The following GRIP2 variants were observed in gnomAD, a reference collection of about 807,000 sequenced individuals.
The protein encoded by GRIP2 is glutamate receptor interacting protein 2, also known as glutamate receptor-interacting protein 2.
Under a neutral mutation model 108.3 loss-of-function variants are expected in GRIP2, and 58 were observed. The ratio of observed to expected loss-of-function variants is 0.54; its 90% CI spans 0.43 to 0.67. GRIP2 has a LOEUF of 0.67. Ranked by LOEUF, GRIP2 falls within the 30% of genes least tolerant of loss-of-function variation. The pLI is 0.00. For missense variants in GRIP2, 1,278 were observed against 1,430.6 expected (o/e 0.89, Z 1.72); for synonymous variants, 586 against 598.2 (o/e 0.98, Z 0.30).
At chr3:14,580,819 C>T in the GRIP2 span, among the ~76,000 whole-genome samples, 1 of 152,290 alleles carries the variant, frequency 6.6e-6, no homozygotes, top group East Asian at 2.0e-4. Context: ...GATGTGATTA[C>T]ATTTAAATCA....
the GRIP2 span, among the ~76,000 whole-genome samples, chr3:14,571,933 G>A: frequency 6.6e-6 from 1 of 152,222 alleles, no homozygotes; most frequent in East Asian, 1.9e-4. Context: ...TGGAGCAACT[G>A]GAACTCTCAG....
the GRIP2 span, among the ~76,000 whole-genome samples, chr3:14,587,438 C>T: frequency 5.3e-5 from 8 of 151,924 alleles, no homozygotes; most frequent in African/African-American, 7.3e-5. Flanking sequence ...CGAGACCAGC[C>T]GGGCCAACAT....
chr3:14,591,379 T>A, the GRIP2 span, among the ~76,000 whole-genome samples: 2 of 152,120 alleles, frequency 1.3e-5, no homozygotes, highest in Non-Finnish European at 2.9e-5. Context: ...AGAAAGACAT[T>A]CCTGGGGTGA....
chr3:14,574,587 T>C, the GRIP2 span: 1 of 720,868 alleles, frequency 1.4e-6, no homozygotes, highest in Non-Finnish European at 2.6e-6. Flanking sequence ...TTCGTCCGGG[T>C]ATGTGGACAG....
At chr3:14,566,350 G>A in the GRIP2 span, among the ~76,000 whole-genome samples, 20 of 152,202 alleles carry the variant, frequency 1.3e-4, no homozygotes, top group Non-Finnish European at 2.6e-4. Flanking sequence ...AGGACTGGGC[G>A]ACAGCCCACA....
At chr3:14,493,853 G>A (rs2124823283) in intron 23 of GRIP2, 27 bp from the exon 24 acceptor site, 1 of 1,595,118 alleles carries the variant, frequency 6.3e-7, no homozygotes, top group African/African-American at 1.3e-5. Flanking sequence ...CAAGGGAACA[G>A]AACCGAGATG....
In GRIP2 at chr3:14,493,539, C is replaced by G. The variant is rs73031847; in HGVS notation, c.*126G>C. On this transcript the variant is annotated 3_prime_UTR_variant, in exon 24 of 24. Transcript: ENST00000621039. ...CTGGGGAACAGAGACCAAGCATCAT[C>G]CCAGGCTCAGAGTCTGCCAGACCAA... 62,428 of 1,153,656 alleles carry G rather than the reference C, an allele frequency of 0.054. 2,045 individuals are homozygous for G. Among genetic ancestry groups the G allele is most frequent in the Middle Eastern group, 0.067 (227 of 3,380 alleles). The allele number at this position is 1,153,656 out of a possible 1,614,324, so 71.5% of individuals were successfully genotyped here. A position where few individuals can be genotyped will look rare whatever the true frequency, so the allele number is the denominator to read the frequency against.
At chr3:14,535,785 TG>T (rs1434125434) in intron 1 of GRIP2, among the ~76,000 whole-genome samples, 1 of 152,220 alleles carries the variant, frequency 6.6e-6, no homozygotes, top group Non-Finnish European at 1.5e-5. Context: ...CCCTACCCTC[TG>T]GGTACCTTCC....
At chr3:14,570,943 T>G in the GRIP2 span, among the ~76,000 whole-genome samples, 1 of 152,206 alleles carries the variant, frequency 6.6e-6, no homozygotes, top group Non-Finnish European at 1.5e-5. Context: ...CAGGCAGTAT[T>G]GACATTTTGG....
chr3:14,527,937 A>G (rs1053161071), intron 1 of GRIP2, among the ~76,000 whole-genome samples: 4 of 152,176 alleles, frequency 2.6e-5, no homozygotes, highest in African/African-American at 9.7e-5. Flanking sequence ...TAAATATAGT[A>G]AAATTTACTC....
At chr3:14,495,151 G>GCCA (rs1693553699) in intron 22 of GRIP2, among the ~76,000 whole-genome samples, 162 bp from the exon 23 acceptor site, 1 of 73,126 alleles carries the variant, frequency 1.4e-5, no homozygotes, top group Non-Finnish European at 2.6e-5. Flanking sequence ...AGCCACCCCC[G>GCCA]CCACCCCGCT....
At chr3:14,544,635 T>G (rs1025710657), upstream of GRIP2, among the ~76,000 whole-genome samples, 3 of 152,078 alleles carry the variant, frequency 2.0e-5, no homozygotes, top group Non-Finnish European at 4.4e-5. Context: ...ACAAGAGAGA[T>G]AAACCTTTAT....
At chr3:14,497,293 A>G (rs1036639751) in intron 21 of GRIP2, among the ~76,000 whole-genome samples, 7 of 152,166 alleles carry the variant, frequency 4.6e-5, no homozygotes, top group Non-Finnish European at 8.8e-5. Flanking sequence ...TAACCACTCT[A>G]CTACATTGCT....
Position 14,521,694 on chromosome 3 carries a change from C to A in GRIP2, c.660G>T (p.Arg220=). ...GAAAGAGTGCCTCGTGGCTGCACTG[C>A]CGCAGGGTGGCCAGGGCGGTGGCAT... is the stretch of plus-strand genomic sequence containing the variant. ...ASHATALATL[R]QCSHEALFQV... is the part of the protein sequence containing the mutation. Residue 220 remains arginine, a synonymous_variant, in exon 7 of 24, where the codon CGG becomes CGT. Transcript: ENST00000621039. The surrounding 1 kb of genome is among the most constrained non-coding windows in gnomAD (Gnocchi z 5.1). The A allele has an allele frequency of 6.2e-7, 1 of 1,611,938 alleles. No individual in the cohort carries two copies. The highest frequency in any genetic ancestry group is 8.5e-7 in the Non-Finnish European group (1 of 1,179,258).
the GRIP2 span, among the ~76,000 whole-genome samples, chr3:14,564,613 C>T: frequency 2.6e-5 from 4 of 152,364 alleles, no homozygotes; most frequent in East Asian, 1.9e-4. Flanking sequence ...GCAAGGGCTC[C>T]GTGCGTGGGA....
chr3:14,534,178 A>T (rs567867692), intron 1 of GRIP2, among the ~76,000 whole-genome samples: 57 of 152,230 alleles, frequency 3.7e-4, no homozygotes, highest in Non-Finnish European at 7.6e-4. Flanking sequence ...ATGGGGGGGA[A>T]CTGAGGCAGC....
Position 14,506,984 on chromosome 3 carries a change from G to C in GRIP2, c.2219-4C>G, listed in dbSNP as rs778946254. Reference sequence around the variant, plus strand: ...GACTTGCGGGGTAGGAGGGGACCTGGGAGGAGAGAGGGGTGTCAATTCTGA... The same window carrying C: ...GACTTGCGGGGTAGGAGGGGACCTGCGAGGAGAGAGGGGTGTCAATTCTGA... On this transcript the variant is annotated splice_polypyrimidine_tract_variant and splice_region_variant and intron_variant, in intron 18 of 23. Coordinates refer to ENST00000621039, the MANE Select transcript of GRIP2 (RefSeq NM_001080423.4). 34 of 1,593,720 alleles carry C rather than the reference G, an allele frequency of 2.1e-5. No individual in the cohort carries two copies. The highest frequency in any genetic ancestry group is 2.6e-6 in the Non-Finnish European group (3 of 1,169,584).
At chr3:14,565,512 G>A in the GRIP2 span, among the ~76,000 whole-genome samples, 1 of 152,294 alleles carries the variant, frequency 6.6e-6, no homozygotes, top group East Asian at 1.9e-4. Flanking sequence ...AACCCGCACA[G>A]CTGGGCAGGA....
rs1181415980 is a variant in GRIP2, at chr3:14,492,331, C to A, written c.*1334G>T. The A allele has an allele frequency of 6.6e-6, 1 of 152,176 alleles. No individual in the cohort carries two copies. The highest frequency in any genetic ancestry group is 1.5e-5 in the Non-Finnish European group (1 of 68,070). The allele number at this position is 152,176 out of a possible 1,614,324, so 9.4% of individuals were successfully genotyped here. Reference sequence around the variant, plus strand: ...AGTGGGTGCCCCGTTTTCCTGAGACCCCTGTGAGAACTGGGCCAGGCAAAG... The same window carrying A: ...AGTGGGTGCCCCGTTTTCCTGAGACACCTGTGAGAACTGGGCCAGGCAAAG... On this transcript the variant is annotated 3_prime_UTR_variant, in exon 24 of 24. Coordinates refer to ENST00000621039, the MANE Select transcript of GRIP2 (RefSeq NM_001080423.4).
Sources: gnomAD v4.1 joint callset for allele counts (sites outside exome capture counted in the v4.1 genomes callset) on GRCh38, gnomAD v4.1.1 for gene constraint, Gnocchi (gnomAD v3.1) non-coding constraint, MANE v1.5 for transcripts, NCBI Gene and HGNC (gene_info 2026-07-23, HGNC 2026-07-21) for gene names.